Variants in FOXP1 observed in about 807,000 individuals in gnomAD.
FOXP1 encodes forkhead box protein P1.
Under a neutral mutation model 98.2 loss-of-function variants are expected in FOXP1, and 15 were observed. The ratio of observed to expected loss-of-function variants is 0.15; its 90% confidence interval spans 0.10 to 0.24. The LOEUF (loss-of-function observed/expected upper bound fraction) is 0.24, where lower values mean the gene tolerates loss of function less well. Among genes scored for constraint, FOXP1 ranks in the 10% least tolerant of loss-of-function variants. The pLI is 1.00. For synonymous variants in FOXP1, 371 were observed against 314.5 expected, an observed-to-expected ratio of 1.18 and a Z score of -1.90; for missense variants, 633 against 848.5, an observed-to-expected ratio of 0.75 and a Z score of 3.15.
intron 4 of FOXP1, among the ~76,000 whole-genome samples, chr3:71,316,433 C>T (rs978865589): frequency 6.6e-6 from 1 of 152,082 alleles, no homozygotes; most frequent in Non-Finnish European, 1.5e-5. Flanking sequence ...TGATAGGTCC[C>T]TTTCCAAGGC....
chr3:71,135,458 TC>T (rs1013790362), intron 6 of FOXP1, among the ~76,000 whole-genome samples: 1 of 151,892 alleles, frequency 6.6e-6, no homozygotes, highest in Non-Finnish European at 1.5e-5. Context: ...CCAAAATAGT[TC>T]CCCTTTGAAA....
At chr3:71,259,818 C>A (rs757698633) in intron 5 of FOXP1, among the ~76,000 whole-genome samples, 1 of 152,144 alleles carries the variant, frequency 6.6e-6, no homozygotes, top group Non-Finnish European at 1.5e-5. Context: ...CTGCTAGTTA[C>A]GTATAAAGTC....
rs2049922567 is a variant in FOXP1 at position 71,051,736 on chromosome 3, G to A, written c.510+801C>T. Among the ~76,000 whole-genome samples, 3 of 152,072 alleles carry A rather than the reference G, an allele frequency of 2.0e-5. No homozygotes were observed. The South Asian group carries it at 6.2e-4, about 32-fold the overall frequency. On this transcript the variant is annotated intron_variant, in intron 9 of 20. Transcript: ENST00000649528. The stretch of plus-strand genomic sequence containing the variant: ...ATGGGTAGAAAGATGTCATAATAAC[G>A]CACACATGCACACGGATACTCCCAC...
At position 71,047,511 on chromosome 3, in the gene FOXP1, G is replaced by A. The variant is rs535693270; in HGVS notation, c.511-416C>T. On this transcript the variant is annotated intron_variant, in intron 9 of 20. Transcript: ENST00000649528. ...AGTTGCCTCCCTCCCTGCCTGCACC[G>A]GCAGAAGCTTTTAACTACTCTGTTT... 7.2e-5 allele frequency among the ~76,000 whole-genome samples: 11 copies of A among 152,178 alleles called. No homozygotes were observed. In the South Asian group the frequency reaches 8.3e-4, roughly 11 times the overall value.
At chr3:71,047,437 T>C (rs978524979) in intron 9 of FOXP1, among the ~76,000 whole-genome samples, 2 of 152,202 alleles carry the variant, frequency 1.3e-5, no homozygotes, top group Non-Finnish European at 2.9e-5. Context: ...ACTGCATCAC[T>C]CTAGTCTGAA....
intron 10 of FOXP1, among the ~76,000 whole-genome samples, chr3:71,044,669 T>C (rs1388142102): frequency 6.6e-6 from 1 of 152,248 alleles, no homozygotes; most frequent in Non-Finnish European, 1.5e-5. Context: ...CCAGTATTTT[T>C]AACAGATAAC....
At chr3:71,068,143 G>A (rs563745200) in intron 7 of FOXP1, among the ~76,000 whole-genome samples, 7 of 152,192 alleles carry the variant, frequency 4.6e-5, no homozygotes, top group African/African-American at 1.7e-4. Context: ...ACCCACAACA[G>A]ATACAGCTCT....
At chr3:71,146,891 G>C (rs1049356078) in intron 6 of FOXP1, among the ~76,000 whole-genome samples, 1 of 152,230 alleles carries the variant, frequency 6.6e-6, no homozygotes, top group African/African-American at 2.4e-5. Flanking sequence ...TCTGAGCACA[G>C]CGCGGGGAAC....
intron 5 of FOXP1, chr3:71,288,175 A>C (rs2107476647): frequency 6.6e-6 from 1 of 152,330 alleles, no homozygotes; most frequent in South Asian, 2.1e-4. Context: ...CCACCACGCA[A>C]GGCCGCTTCC....
intron 3 of FOXP1, among the ~76,000 whole-genome samples, chr3:71,413,290 A>ACCCACC (rs1553876159): frequency 7.2e-6 from 1 of 138,526 alleles, no homozygotes; most frequent in Non-Finnish European, 1.5e-5. Context: ...ACACACACAC[A>ACCCACC]CCCAAAACAG....
intron 5 of FOXP1, among the ~76,000 whole-genome samples, chr3:71,224,095 G>A (rs750128067): frequency 1.3e-5 from 2 of 152,220 alleles, no homozygotes; most frequent in Admixed American, 1.3e-4. Flanking sequence ...CATCTGTATA[G>A]TAAAAGAAGA....
At chr3:71,359,365 T>C (rs1178165468) in intron 3 of FOXP1, 121 bp from the exon 4 acceptor site, 2 of 152,214 alleles carry the variant, frequency 1.3e-5, no homozygotes, top group Non-Finnish European at 2.9e-5. Context: ...CTTCAGTATA[T>C]AATCATGTAT....
At chr3:71,163,983 G>T (rs191453543) in intron 6 of FOXP1, among the ~76,000 whole-genome samples, 1 of 152,268 alleles carries the variant, frequency 6.6e-6, no homozygotes, top group Admixed American at 6.5e-5. Flanking sequence ...ATCAAGGGCT[G>T]AATGTCTGCC....
At chr3:71,439,888 T>C (rs79095608) in intron 3 of FOXP1, among the ~76,000 whole-genome samples, 3 of 151,072 alleles carry the variant, frequency 2.0e-5, no homozygotes, top group Admixed American at 1.3e-4. Context: ...GGGGGTTTCA[T>C]TGATCGGAGA....
chr3:71,530,865 A>G (rs1361429561), intron 2 of FOXP1, among the ~76,000 whole-genome samples: 1 of 152,208 alleles, frequency 6.6e-6, no homozygotes. Flanking sequence ...GAAAACCTGA[A>G]GAAAACTACC....
At chr3:71,106,528 G>T (rs1298039807) in intron 7 of FOXP1, among the ~76,000 whole-genome samples, 2 of 151,994 alleles carry the variant, frequency 1.3e-5, no homozygotes, top group Non-Finnish European at 2.9e-5. Flanking sequence ...GTTTCACCTT[G>T]TTGGCCAGGC....
Position 71,365,915 on chromosome 3 carries a change from A to G in FOXP1, c.-167-6671T>C, listed in dbSNP as rs56948330. Reference sequence around the variant, plus strand: ...GGAGAATTGCTTGAAACTGGGAGGCAGAGGTTGCAGTGAGCCCACTGCACT... The same window carrying G: ...GGAGAATTGCTTGAAACTGGGAGGCGGAGGTTGCAGTGAGCCCACTGCACT... On this transcript the variant is annotated intron_variant, in intron 3 of 20. Transcript: ENST00000649528. 5.8e-3 allele frequency among the ~76,000 whole-genome samples: 879 copies of G among 152,298 alleles called. 7 individuals are homozygous for G. Among genetic ancestry groups the G allele is most frequent in the African/African-American group, 0.019 (809 of 41,578 alleles).
intron 17 of FOXP1, among the ~76,000 whole-genome samples, chr3:70,974,101 T>C (rs924496640): frequency 2.6e-5 from 4 of 151,970 alleles, no homozygotes; most frequent in South Asian, 4.1e-4. Context: ...TCCCAAAAAG[T>C]TTTTGAGTAA....
chr3:70,962,013 C>T lies in FOXP1; in HGVS notation c.1890-2622G>A, dbSNP rs537904167. On this transcript the variant is annotated intron_variant, in intron 20 of 20. Coordinates refer to ENST00000649528, the MANE Select transcript of FOXP1 (RefSeq NM_001349338.3). Reference sequence around the variant, plus strand: ...CAGCTCTGCTAAAATACCCTACATTCTTTTAGGAAGAATTAGTTATGCTGA... The same window carrying T: ...CAGCTCTGCTAAAATACCCTACATTTTTTTAGGAAGAATTAGTTATGCTGA... Among the ~76,000 whole-genome samples the T allele has an allele frequency of 1.3e-4, 20 of 152,288 alleles. No individual in the cohort carries two copies. The South Asian group carries it at 3.9e-3, about 30-fold the overall frequency.
Sources: allele counts gnomAD v4.1 joint callset (sites outside exome capture counted in the v4.1 genomes callset), GRCh38; gene constraint gnomAD v4.1.1; transcripts MANE v1.5; gene names NCBI Gene and HGNC (gene_info 2026-07-23, HGNC 2026-07-21).